NIPBL: variants seen among roughly 807,000 people sequenced by gnomAD.
NIPBL encodes nipped-B-like protein.
In NIPBL, 19 loss-of-function variants were observed where a neutral mutation model predicts 321.8. That is an observed-to-expected ratio of 0.06 (90% CI 0.04 to 0.09). The LOEUF is 0.09. NIPBL is among the 10% of genes least tolerant of loss of function. NIPBL has a pLI of 1.00. For synonymous variants in NIPBL, 1,106 were observed against 1,114.1 expected, an observed-to-expected ratio of 0.99 and a Z score of 0.14; for missense variants, 2,210 against 3,327.0, an observed-to-expected ratio of 0.66 and a Z score of 8.26.
intron 1 of NIPBL, among the ~76,000 whole-genome samples, chr5:36,923,518 C>T (rs1749115637): frequency 6.6e-6 from 1 of 152,012 alleles, no homozygotes; most frequent in Non-Finnish European, 1.5e-5. Flanking sequence ...GGAAAGTGAC[C>T]AGTTTCCTGC....
At chr5:37,019,254 G>T in intron 24 of NIPBL, 57 bp from the exon 25 acceptor site, 3 of 1,110,588 alleles carry the variant, frequency 2.7e-6, no homozygotes, top group South Asian at 1.2e-5. Flanking sequence ...ACAATTAGGT[G>T]ATTTATTAAA....
intron 34 of NIPBL, 137 bp downstream of exon 34, chr5:37,038,875 C>A: frequency 2.2e-6 from 2 of 929,892 alleles, no homozygotes; most frequent in South Asian, 1.7e-5. Flanking sequence ...CTATTTGTAG[C>A]AAGTGATCTA....
intron 32 of NIPBL, among the ~76,000 whole-genome samples, chr5:37,032,903 A>C (rs1024559787): frequency 6.6e-6 from 1 of 152,200 alleles, no homozygotes; most frequent in Non-Finnish European, 1.5e-5. Flanking sequence ...TAAAAAATAT[A>C]CCTGTATCAC....
At position 37,058,983 on chromosome 5, in the gene NIPBL, G is replaced by C; in HGVS notation, c.7503G>C (p.Arg2501=). Residue 2501 remains arginine (R), a synonymous_variant, in exon 44 of 47, where the codon CGG becomes CGC. Coordinates refer to ENST00000282516, the MANE Select transcript of NIPBL (RefSeq NM_133433.4). ...SDSEEEVSRP[R]KSRKRVDSDS... ...GTGAAGAAGAAGTTTCCAGGCCTCGGAAGTCACGGAAACGTGTAGATTCAG... is the reference window on the plus strand; with the variant it reads ...GTGAAGAAGAAGTTTCCAGGCCTCGCAAGTCACGGAAACGTGTAGATTCAG... 1 of 1,614,218 alleles carries C rather than the reference G, an allele frequency of 6.2e-7. No homozygotes were observed. The highest frequency in any genetic ancestry group is 8.5e-7 in the Non-Finnish European group (1 of 1,180,034).
At position 36,886,380 on chromosome 5, in the gene NIPBL, T is replaced by C; in HGVS notation, c.-80+9202T>C. ...TTGAAGATGGCAAGAACTTCAGTCT[T>C]GATGATGCCCTGGACAGCAGCAACT... is the stretch of plus-strand genomic sequence containing the variant. On this transcript the variant is annotated intron_variant, in intron 1 of 46. Coordinates refer to ENST00000282516, the MANE Select transcript of NIPBL (RefSeq NM_133433.4). 8 of 726,550 alleles carry C rather than the reference T, an allele frequency of 1.1e-5. No homozygotes were observed. In the South Asian group the frequency reaches 1.1e-4, roughly 10 times the overall value. 45.0% of individuals were successfully genotyped at this position (726,550 alleles called of 1,614,324 possible). A position where few individuals can be genotyped will look rare whatever the true frequency, so the allele number is the denominator to read the frequency against.
intron 2 of NIPBL, 90 bp downstream of exon 2, chr5:36,953,850 T>C: frequency 1.8e-6 from 2 of 1,132,406 alleles, no homozygotes; most frequent in Non-Finnish European, 2.7e-6. Context: ...TATAGGTTCT[T>C]TAAAACACAT....
At chr5:36,993,689 G>A (rs1745805049) in intron 10 of NIPBL, among the ~76,000 whole-genome samples, 1 of 151,928 alleles carries the variant, frequency 6.6e-6, no homozygotes, top group African/African-American at 2.4e-5. Context: ...TCCCGTGATG[G>A]ATGAAAGGCC....
chr5:36,962,142 A>G lies in NIPBL; in HGVS notation c.478A>G (p.Thr160Ala). The change falls in exon 6 of 47, where the codon ACA (threonine) becomes GCA (alanine). Residue 160 changes from threonine to alanine, a missense_variant. By Grantham distance (58) the Thr-to-Ala change is moderately conservative (BLOSUM62 0). This residue lies in a region of NIPBL where 464 missense variants were observed against 529.5 expected (regional missense o/e 0.88). Coordinates refer to ENST00000282516, the MANE Select transcript of NIPBL (RefSeq NM_133433.4). ...TTTTAGCCGGTTTGTGCCACCACAG[A>G]CAAGCTCTGGGAACAGATTTATGCC... ...SPSSRFVPPQ[T>A]SSGNRFMPQQ... 1 of 1,614,118 alleles carries G rather than the reference A, an allele frequency of 6.2e-7. No individual in the cohort carries two copies. The highest frequency in any genetic ancestry group is 1.7e-5 in the Admixed American group (1 of 59,998).
Position 36,985,109 on chromosome 5 carries a change from A to C in NIPBL, c.1929A>C (p.Lys643Asn), listed in dbSNP as rs1744598526. ...CAAGTGAAAATAAGTTAGAAACTAA[A>C]GTTGAGACCCAAACAGAAGAACTTA... is the stretch of plus-strand genomic sequence containing the variant. ...TKSSENKLET[K>N]VETQTEELKQ... Residue 643 changes from lysine (K) to asparagine (N), a missense_variant, in exon 10 of 47, where the codon AAA (lysine) becomes AAC (asparagine). By Grantham distance (94) the Lys-to-Asn change is moderately conservative. Around this residue, in one of 14 missense-constraint regions of NIPBL, gnomAD observed 588 missense variants for 564.1 expected, o/e 1.04. Transcript: ENST00000282516. The C allele has an allele frequency of 5.6e-6, 9 of 1,613,916 alleles. No homozygotes were observed. Among genetic ancestry groups the C allele is most frequent in the Non-Finnish European group, 6.8e-6 (8 of 1,179,932 alleles).
chr5:36,994,072 G>A (rs1191533956), intron 10 of NIPBL, among the ~76,000 whole-genome samples: 2 of 152,130 alleles, frequency 1.3e-5, no homozygotes, highest in Non-Finnish European at 2.9e-5. Flanking sequence ...CTGAAAATAT[G>A]CAATGCAAAG....
In NIPBL at chr5:37,065,807, A is replaced by G. The variant is rs1213575663; in HGVS notation, c.*915A>G. 2.0e-5 allele frequency: 3 copies of G among 152,628 alleles called. No individual in the cohort carries two copies. The highest frequency in any genetic ancestry group is 4.4e-5 in the Non-Finnish European group (3 of 68,030). 9.5% of individuals were successfully genotyped at this position (152,628 alleles called of 1,614,324 possible). A position where few individuals can be genotyped will look rare whatever the true frequency, so the allele number is the denominator to read the frequency against. ...CAAGAGTACATTTTGATATAAAAAG[A>G]AACTATAGTTTATTCCTTGTATGCT... On this transcript the variant is annotated 3_prime_UTR_variant, in exon 47 of 47. Coordinates refer to ENST00000282516, the MANE Select transcript of NIPBL (RefSeq NM_133433.4).
At chr5:37,032,981 T>A (rs1268719395) in intron 32 of NIPBL, among the ~76,000 whole-genome samples, 2 of 152,202 alleles carry the variant, frequency 1.3e-5, no homozygotes, top group Non-Finnish European at 2.9e-5. Flanking sequence ...TAAAAAAATT[T>A]TATGCACCTT....
At chr5:36,915,112 AT>A (rs1288777130) in intron 1 of NIPBL, among the ~76,000 whole-genome samples, 1 of 152,038 alleles carries the variant, frequency 6.6e-6, no homozygotes, top group Non-Finnish European at 1.5e-5. Context: ...TTAGTTAGAC[AT>A]TTCTCAAAGG....
chr5:37,018,031 T>G (rs1749187954), intron 24 of NIPBL, among the ~76,000 whole-genome samples: 1 of 152,138 alleles, frequency 6.6e-6, no homozygotes, highest in East Asian at 1.9e-4. Context: ...ATGCAGTGAT[T>G]TTCCAAGTAT....
At position 36,932,847 on chromosome 5, in the gene NIPBL, G is replaced by A. The variant is rs1391193287; in HGVS notation, c.-79-20771G>A. Among the ~76,000 whole-genome samples the A allele has an allele frequency of 2.9e-5, 4 of 137,332 alleles. No homozygotes were observed. In the East Asian group the frequency reaches 8.7e-4, roughly 30 times the overall value. 90.1% of individuals were successfully genotyped at this position (137,332 alleles called of 152,430 possible). On this transcript the variant is annotated intron_variant, in intron 1 of 46. Transcript: ENST00000282516. ...CTGTTGCCCAGGCTGAAGTGTATTG[G>A]CTATTCACAACTGCCATCATAGCAT...
rs74579365 is a variant in NIPBL at position 36,919,583 on chromosome 5, A to G, written c.-79-34035A>G. 3.4e-3 allele frequency among the ~76,000 whole-genome samples: 525 copies of G among 152,264 alleles called. 8 individuals carry two copies. The highest frequency in any genetic ancestry group is 0.012 in the African/African-American group (509 of 41,546). ...AGCATGATTTTGAACACACCCTGTG[A>G]TGAAGGTTACAATGCTTATTGCAAT... On this transcript the variant is annotated intron_variant, in intron 1 of 46. Transcript: ENST00000282516.
intron 31 of NIPBL, among the ~76,000 whole-genome samples, chr5:37,026,928 AAAAG>A (rs1203155486): frequency 2.6e-5 from 4 of 151,642 alleles, no homozygotes; most frequent in Non-Finnish European, 5.9e-5. Context: ...AAAAAAAAAG[AAAAG>A]AAAGAAAAAT....
intron 1 of NIPBL, among the ~76,000 whole-genome samples, chr5:36,908,727 T>C (rs1038417668): frequency 3.9e-5 from 6 of 152,122 alleles, no homozygotes; most frequent in Non-Finnish European, 7.4e-5. Flanking sequence ...CTGCCAAACA[T>C]GTGCATTAAA....
At chr5:37,004,583 G>A (rs1484066760) in intron 16 of NIPBL, among the ~76,000 whole-genome samples, 1 of 151,904 alleles carries the variant, frequency 6.6e-6, no homozygotes, top group Non-Finnish European at 1.5e-5. Context: ...TATTTAAAAT[G>A]TTTTGTAGAG....
Sources: gnomAD v4.1 joint callset for allele counts (sites outside exome capture counted in the v4.1 genomes callset) on GRCh38, gnomAD v4.1.1 for gene constraint, gnomAD v4.1.1 regional missense constraint, MANE v1.5 for transcripts, NCBI Gene and HGNC (gene_info 2026-07-23, HGNC 2026-07-21) for gene names.